BCAR3: variants seen among roughly 807,000 people sequenced by gnomAD.
The protein encoded by BCAR3 is BCAR3 adaptor protein, NSP family member.
Under a neutral mutation model 80.1 loss-of-function variants are expected in BCAR3, and 37 were observed. The observed-to-expected ratio is 0.46, with a 90% CI of 0.36 to 0.61. BCAR3 has a LOEUF of 0.61. Among genes scored for constraint, BCAR3 ranks in the 20% least tolerant of loss-of-function variants. BCAR3 has a pLI of 0.00. For missense variants in BCAR3, 978 were observed against 1,068.2 expected, an observed-to-expected ratio of 0.92 and a Z score of 1.18; for synonymous variants, 389 against 418.9, an observed-to-expected ratio of 0.93 and a Z score of 0.87.
intron 2 of BCAR3, chr1:93,845,498 A>ATCTATCTATC (rs1485889618): frequency 2.1e-4 from 1 of 4,660 alleles, no homozygotes; most frequent in Non-Finnish European, 3.0e-4. Context: ...ATATATATAT[A>ATCTATCTATC]TATAAAACTT....
upstream of BCAR3, chr1:93,847,737 T>A (rs1416715059): frequency 6.6e-6 from 1 of 152,228 alleles, no homozygotes; most frequent in Non-Finnish European, 1.5e-5. Context: ...CTAAACGGTT[T>A]AACTTCTCTC....
At chr1:93,569,596 T>A (rs1209673572) in intron 9 of BCAR3, among the ~76,000 whole-genome samples, 2 of 152,196 alleles carry the variant, frequency 1.3e-5, no homozygotes, top group East Asian at 3.8e-4. Context: ...GTGGCTATAG[T>A]GTAAGGGCTG....
chr1:93,686,817 A>G (rs755009869), upstream of BCAR3, among the ~76,000 whole-genome samples: 7 of 152,208 alleles, frequency 4.6e-5, no homozygotes, highest in Non-Finnish European at 7.4e-5. Flanking sequence ...ATTCTTGTCC[A>G]TGACCACTCT....
At chr1:93,613,846 C>T in intron 3 of BCAR3, 1 of 1,550,474 alleles carries the variant, frequency 6.4e-7, no homozygotes, top group South Asian at 1.2e-5. Flanking sequence ...ACCAAACCTA[C>T]CTTGACTCCA....
chr1:93,627,013 AACAG>A, intron 3 of BCAR3, among the ~76,000 whole-genome samples: 1 of 152,370 alleles, frequency 6.6e-6, no homozygotes, highest in Non-Finnish European at 1.5e-5. Flanking sequence ...CAAGGAAAAC[AACAG>A]ACAGTGTTTG....
At chr1:93,666,053 TC>T (rs1647897121) in intron 2 of BCAR3, among the ~76,000 whole-genome samples, 1 of 152,146 alleles carries the variant, frequency 6.6e-6, no homozygotes, top group Non-Finnish European at 1.5e-5. Context: ...TACAACCACC[TC>T]CTGCCTTCCC....
chr1:93,575,875 T>A (rs906560021), intron 8 of BCAR3, 139 bp downstream of exon 8: 2 of 631,584 alleles, frequency 3.2e-6, no homozygotes, highest in African/African-American at 1.8e-5. Context: ...CTGGGAAGAG[T>A]CGCTGTAGGC....
chr1:93,627,456 C>G (rs558051576), intron 3 of BCAR3, among the ~76,000 whole-genome samples: 1 of 152,174 alleles, frequency 6.6e-6, no homozygotes, highest in Non-Finnish European at 1.5e-5. Context: ...AATACTCCTC[C>G]CTTTCTGAAC....
chr1:93,705,060 A>G (rs72721071), intron 3 of BCAR3, among the ~76,000 whole-genome samples: 2,471 of 152,290 alleles, frequency 0.016, 33 homozygotes, highest in Middle Eastern at 0.071. Flanking sequence ...AGTTAGACCA[A>G]TGATCTTCCT....
At chr1:93,842,276 C>T (rs766187539) in intron 2 of BCAR3, among the ~76,000 whole-genome samples, 8 of 151,940 alleles carry the variant, frequency 5.3e-5, no homozygotes, top group Non-Finnish European at 1.0e-4. Context: ...CTCAGCCTCC[C>T]GAGTAGCTGG....
At chr1:93,743,545 T>C (rs1016170856) in intron 2 of BCAR3, among the ~76,000 whole-genome samples, 3 of 152,240 alleles carry the variant, frequency 2.0e-5, no homozygotes, top group Admixed American at 6.5e-5. Flanking sequence ...ATATTCCCTG[T>C]ACACTGTTAA....
At position 93,567,488 on chromosome 1, in the gene BCAR3, G is replaced by A. The variant is rs758980462; in HGVS notation, c.2090C>T (p.Ser697Phe). ...FSKLLHEGRE[S>F]TCVPPNNVSV... ...TACATTGTTTGGGGGAACACATGTG[G>A]ACTCTGAAGAATAAGGAGTAGAGTT... Residue 697 changes from serine (S) to phenylalanine (F), a missense_variant, in exon 11 of 12, where the codon TCC (serine) becomes TTC (phenylalanine). Transcript: ENST00000260502. 3.2e-5 allele frequency: 51 copies of A among 1,613,966 alleles called. No individual in the cohort carries two copies. In the East Asian group the frequency reaches 1.1e-3, roughly 34 times the overall value.
intron 2 of BCAR3, among the ~76,000 whole-genome samples, chr1:93,801,176 A>G (rs899147950): frequency 6.7e-6 from 1 of 149,850 alleles, no homozygotes; most frequent in African/African-American, 2.5e-5. Flanking sequence ...TCTTGCAATA[A>G]CAACAAACAT....
In BCAR3 at chr1:93,816,672, A is replaced by T. The variant is rs1167392598; in HGVS notation, c.-63+28895T>A. 8.6e-5 allele frequency among the ~76,000 whole-genome samples: 3 copies of T among 34,758 alleles called. No individual in the cohort carries two copies. In the African/African-American group the frequency reaches 9.1e-4, roughly 11 times the overall value. 22.8% of individuals were successfully genotyped at this position (34,758 alleles called of 152,430 possible). Reference sequence around the variant, plus strand: ...GGCGACAGAGCTAGACTCCATCTCAAAAAAAAAAAAAAAAAAAAAAAAAGA... The same window carrying T: ...GGCGACAGAGCTAGACTCCATCTCATAAAAAAAAAAAAAAAAAAAAAAAGA... On this transcript the variant is annotated intron_variant, in intron 2 of 13. Transcript: ENST00000370244.
intron 2 of BCAR3, among the ~76,000 whole-genome samples, chr1:93,733,349 C>T (rs1049206034): frequency 1.3e-5 from 2 of 152,262 alleles, no homozygotes; most frequent in African/African-American, 2.4e-5. Flanking sequence ...CCCCACCCCC[C>T]GACCCACCTT....
chr1:93,663,528 T>C (rs1647757533), intron 2 of BCAR3, among the ~76,000 whole-genome samples: 1 of 152,148 alleles, frequency 6.6e-6, no homozygotes, highest in South Asian at 2.1e-4. Context: ...AAGGCAGGAT[T>C]GCTTATCAAT....
chr1:93,629,101 G>A (rs1399512462), intron 3 of BCAR3, among the ~76,000 whole-genome samples: 3 of 152,118 alleles, frequency 2.0e-5, no homozygotes, highest in Non-Finnish European at 4.4e-5. Flanking sequence ...AGACAGTTTG[G>A]CAATAAATAA....
intron 3 of BCAR3, chr1:93,605,434 G>A (rs1362166605): frequency 6.6e-6 from 1 of 152,240 alleles, no homozygotes; most frequent in Admixed American, 6.5e-5. Flanking sequence ...AAGAAACAAT[G>A]CAAGTGAAAT....
intron 1 of BCAR3, among the ~76,000 whole-genome samples, chr1:93,676,877 C>T (rs12088912): frequency 0.015 from 2,229 of 152,312 alleles, 56 homozygotes; most frequent in African/African-American, 0.051. Flanking sequence ...GCAAAAGTCA[C>T]CCTAGCACCA....
Sources: allele counts gnomAD v4.1 joint callset (sites outside exome capture counted in the v4.1 genomes callset), GRCh38; gene constraint gnomAD v4.1.1; transcripts MANE v1.5; gene names NCBI Gene and HGNC (gene_info 2026-07-23, HGNC 2026-07-21).